FPR3: variants seen among roughly 807,000 people sequenced by gnomAD.
FPR3 encodes N-formyl peptide receptor 3.
For missense variants in FPR3, 346 were observed against 443.2 expected (o/e 0.78, Z 1.97); for synonymous variants, 135 against 163.6 (o/e 0.83, Z 1.34).
rs553351178 is a variant in FPR3 at position 51,824,085 on chromosome 19, G to A, written c.337G>A (p.Val113Ile). 3 of 1,614,170 alleles carry A rather than the reference G, an allele frequency of 1.9e-6. No homozygotes were observed. In the South Asian group the frequency reaches 3.3e-5, roughly 18 times the overall value. Residue 113 changes from valine (V) to isoleucine (I), a missense_variant, in exon 2 of 2, where the codon GTC becomes ATC. By Grantham distance (29) the Val-to-Ile change is conservative. Coordinates refer to ENST00000339223, the MANE Select transcript of FPR3 (RefSeq NM_002030.5). This position sits in a 1 kb window ranked among gnomAD's most constrained non-coding sequence, Gnocchi z 4.7. ...VMIDINLFVS[V>I]YLITIIALDR... Reference sequence around the variant, plus strand: ...GATAGACATCAACCTGTTTGTCAGTGTCTACCTGATCACCATCATTGCTCT... The same window carrying A: ...GATAGACATCAACCTGTTTGTCAGTATCTACCTGATCACCATCATTGCTCT...
chr19:51,810,501 A>G (rs939726009), intron 1 of FPR3, among the ~76,000 whole-genome samples: 6 of 152,304 alleles, frequency 3.9e-5, no homozygotes, highest in Admixed American at 1.3e-4. Flanking sequence ...GCCTGTGCAC[A>G]CTGCTGATAA....
chr19:51,796,873 C>T (rs530829356), intron 1 of FPR3, among the ~76,000 whole-genome samples: 1 of 152,154 alleles, frequency 6.6e-6, no homozygotes, highest in South Asian at 2.1e-4. Context: ...GGAGAGGCCA[C>T]GGCTGATAAT....
In FPR3 at chr19:51,823,843, T is replaced by A; in HGVS notation, c.95T>A (p.Val32Asp). ...GTTCTGTGGATCTTCTCATTGCTAG[T>A]CCACGGAGTCACCTTTGTCTTCGGG... is the stretch of plus-strand genomic sequence containing the variant. ...HTVLWIFSLL[V>D]HGVTFVFGVL... is the part of the protein sequence containing the mutation. The change falls in exon 2 of 2, where the codon GTC becomes GAC. Residue 32 changes from valine to aspartate, a missense_variant. Physicochemically the swap from Val to Asp is radical, Grantham distance 152 (BLOSUM62 -3). Coordinates refer to ENST00000339223, the MANE Select transcript of FPR3 (RefSeq NM_002030.5). 1 of 1,614,030 alleles carries A rather than the reference T, an allele frequency of 6.2e-7. No individual in the cohort carries two copies. Among genetic ancestry groups the A allele is most frequent in the Non-Finnish European group, 8.5e-7 (1 of 1,179,966 alleles).
At position 51,824,630 on chromosome 19, in the gene FPR3, C is replaced by T. The variant is rs2084218418; in HGVS notation, c.882C>T (p.Asn294=). ...CAACAAGCTCCTTGGCCTTTTTTAA[C>T]AGCTGCCTCAACCCAATTCTCTACG... ...INPTSSLAFF[N]SCLNPILYVF... is the part of the protein sequence containing the mutation. The change falls in exon 2 of 2, where the codon AAC becomes AAT. Residue 294 remains asparagine (N), a synonymous_variant. Transcript: ENST00000339223. This position sits in a 1 kb window ranked among gnomAD's most constrained non-coding sequence, Gnocchi z 4.7. 1 of 1,614,112 alleles carries T rather than the reference C, an allele frequency of 6.2e-7. No homozygotes were observed. The highest frequency in any genetic ancestry group is 2.2e-5 in the East Asian group (1 of 44,864).
At chr19:51,821,087 G>T (rs1467737583) in intron 1 of FPR3, among the ~76,000 whole-genome samples, 1 of 152,204 alleles carries the variant, frequency 6.6e-6, no homozygotes, top group Non-Finnish European at 1.5e-5. Flanking sequence ...AGGACCAGAA[G>T]TTCCCATTTG....
At position 51,824,048 on chromosome 19, in the gene FPR3, A is replaced by G; in HGVS notation, c.300A>G (p.Leu100=). 3.7e-6 allele frequency: 6 copies of G among 1,614,100 alleles called. No homozygotes were observed. Among genetic ancestry groups the G allele is most frequent in the Non-Finnish European group, 5.1e-6 (6 of 1,180,000 alleles). ...CTTTTGGCTCATTCCTATGTAAGTT[A>G]GTTCATGTTATGATAGACATCAACC... The part of the protein sequence containing the change: ...KWPFGSFLCK[L]VHVMIDINLF... The change falls in exon 2 of 2, where the codon TTA becomes TTG. Residue 100 remains leucine (L), a synonymous_variant. Transcript: ENST00000339223. This position sits in a 1 kb window ranked among gnomAD's most constrained non-coding sequence, Gnocchi z 4.7.
chr19:51,811,793 CT>C (rs113880977), intron 1 of FPR3: 47,125 of 151,778 alleles, frequency 0.31, 7,501 homozygotes, highest in African/African-American at 0.39. Flanking sequence ...CAGGAGGCGA[CT>C]CGCCCTCAGC....
chr19:51,811,366 A>T (rs1356678197), intron 1 of FPR3: 1 of 152,032 alleles, frequency 6.6e-6, no homozygotes, highest in Non-Finnish European at 1.5e-5. Context: ...GCACATAATT[A>T]TTTTTTTCAG....
At chr19:51,807,383 T>C (rs1391671306) in intron 1 of FPR3, among the ~76,000 whole-genome samples, 2 of 152,154 alleles carry the variant, frequency 1.3e-5, no homozygotes, top group Admixed American at 6.5e-5. Flanking sequence ...GCAGTGTGAG[T>C]TTGCCACATC....
intron 1 of FPR3, among the ~76,000 whole-genome samples, chr19:51,805,702 G>A (rs1417801536): frequency 6.6e-6 from 1 of 152,140 alleles, no homozygotes; most frequent in Non-Finnish European, 1.5e-5. Context: ...TTGGCTGTAC[G>A]TGTCCAATTC....
chr19:51,816,004 C>A (rs550365810), intron 1 of FPR3, among the ~76,000 whole-genome samples: 31 of 151,864 alleles, frequency 2.0e-4, no homozygotes, highest in Admixed American at 3.9e-4. Context: ...GAGTTTGAGG[C>A]TGCAGTGAGC....
At chr19:51,816,243 G>T (rs1486460194) in intron 1 of FPR3, among the ~76,000 whole-genome samples, 1 of 152,056 alleles carries the variant, frequency 6.6e-6, no homozygotes, top group Non-Finnish European at 1.5e-5. Flanking sequence ...TTTTTGAGCT[G>T]TATTCTTTTC....
chr19:51,822,809 C>T (rs2084200328), intron 1 of FPR3, among the ~76,000 whole-genome samples: 1 of 152,032 alleles, frequency 6.6e-6, no homozygotes, highest in African/African-American at 2.4e-5. Flanking sequence ...AAATATAGGG[C>T]CCTCTTTGTT....
intron 1 of FPR3, among the ~76,000 whole-genome samples, chr19:51,820,134 T>C (rs1361132451): frequency 6.6e-6 from 1 of 152,152 alleles, no homozygotes; most frequent in East Asian, 1.9e-4. Context: ...TAGAGGAAGT[T>C]GGTTAGTTTG....
At chr19:51,813,656 G>A (rs968555676) in intron 1 of FPR3, among the ~76,000 whole-genome samples, 2 of 151,852 alleles carry the variant, frequency 1.3e-5, no homozygotes, top group Admixed American at 6.6e-5. Context: ...TCAGCCTCCC[G>A]AATATCTGGG....
intron 1 of FPR3, chr19:51,811,503 G>C (rs2122447460): frequency 6.6e-6 from 1 of 152,294 alleles, no homozygotes; most frequent in East Asian, 1.9e-4. Flanking sequence ...ACTCATCCCA[G>C]GGTCCCCATT....
chr19:51,801,031 A>G (rs143729400), intron 1 of FPR3, among the ~76,000 whole-genome samples: 1 of 152,266 alleles, frequency 6.6e-6, no homozygotes, highest in East Asian at 1.9e-4. Context: ...ACTCTTATCA[A>G]CTAGGACAGA....
At position 51,824,663 on chromosome 19, in the gene FPR3, G is replaced by A; in HGVS notation, c.915G>A (p.Met305Ile). The A allele has an allele frequency of 1.2e-6, 2 of 1,614,090 alleles. No individual in the cohort carries two copies. Among genetic ancestry groups the A allele is most frequent in the Non-Finnish European group, 1.7e-6 (2 of 1,180,016 alleles). Residue 305 changes from methionine to isoleucine, a missense_variant, in exon 2 of 2, where the codon ATG becomes ATA. Met to Ile is a conservative substitution (Grantham distance 10, BLOSUM62 1). Transcript: ENST00000339223. This position sits in a 1 kb window ranked among gnomAD's most constrained non-coding sequence, Gnocchi z 4.7. The stretch of plus-strand genomic sequence containing the variant: ...TCAACCCAATTCTCTACGTCTTTAT[G>A]GGTCGTAACTTCCAAGAAAGACTGA... The part of the protein sequence containing the change: ...SCLNPILYVF[M>I]GRNFQERLIR...
At chr19:51,818,385 T>C (rs1236569236) in intron 1 of FPR3, among the ~76,000 whole-genome samples, 2 of 152,214 alleles carry the variant, frequency 1.3e-5, no homozygotes, top group African/African-American at 2.4e-5. Context: ...GGCCCGTGTT[T>C]ACAGACCACA....
Sources: allele counts gnomAD v4.1 joint callset (sites outside exome capture counted in the v4.1 genomes callset), GRCh38; gene constraint gnomAD v4.1.1; non-coding constraint Gnocchi (gnomAD v3.1); transcripts MANE v1.5; gene names NCBI Gene and HGNC (gene_info 2026-07-23, HGNC 2026-07-21).